The following VIPAS39 variants were observed in gnomAD, a reference collection of about 807,000 sequenced individuals.
VIPAS39 encodes the protein spermatogenesis-defective protein 39 homolog.
Under a neutral mutation model 84.7 loss-of-function variants are expected in VIPAS39, and 63 were observed. The observed-to-expected ratio is 0.74, with a 90% CI of 0.61 to 0.92. VIPAS39 has a LOEUF of 0.92. Among genes scored for constraint, VIPAS39 ranks in the 40% least tolerant of loss-of-function variants. The probability of loss-of-function intolerance (pLI) is 0.00; values close to 1 mark genes in which losing one functional copy is unlikely to be tolerated. For synonymous variants in VIPAS39, 192 were observed against 216.5 expected (o/e 0.89, Z 0.99); for missense variants, 499 against 604.5 (o/e 0.83, Z 1.83).
At chr14:77,445,802 G>T (rs563663192) in intron 7 of VIPAS39, among the ~76,000 whole-genome samples, 4 of 152,014 alleles carry the variant, frequency 2.6e-5, no homozygotes, top group Non-Finnish European at 4.4e-5. Context: ...AGCCAGGCAT[G>T]GTGGCACACA....
In VIPAS39 at chr14:77,451,212, G is replaced by C. The variant is rs200683721; in HGVS notation, c.318C>G (p.Thr106=). The change falls in exon 4 of 20, where the codon ACC becomes ACG. Residue 106 remains threonine, a synonymous_variant. Transcript: ENST00000557658. The stretch of plus-strand genomic sequence containing the variant: ...CTCTAAAAAAGCTGCTCAGGGAGTA[G>C]GTAGAAGTAGGCTTGGGTAGTTGTG... ...SYAQLPKPTS[T]YSLSSFFRGR... is the part of the protein sequence containing the mutation. The C allele has an allele frequency of 4.3e-6, 7 of 1,614,232 alleles. No homozygotes were observed. Among genetic ancestry groups the C allele is most frequent in the African/African-American group, 2.7e-5 (2 of 75,066 alleles).
chr14:77,444,739 AT>A (rs942078328), intron 7 of VIPAS39, among the ~76,000 whole-genome samples: 225 of 150,470 alleles, frequency 1.5e-3, no homozygotes, highest in African/African-American at 4.9e-3. Flanking sequence ...TGCCCGGCTA[AT>A]TTTTTTTTAG....
At chr14:77,457,465 C>G in intron 1 of VIPAS39, 30 bp downstream of exon 1, 2 of 1,472,770 alleles carry the variant, frequency 1.4e-6, no homozygotes, top group Admixed American at 2.0e-5. Flanking sequence ...CAGCCAGATA[C>G]GCGACCCAAG....
intron 7 of VIPAS39, among the ~76,000 whole-genome samples, chr14:77,445,162 T>C (rs1483902613): frequency 2.6e-5 from 4 of 151,692 alleles, no homozygotes; most frequent in Non-Finnish European, 4.4e-5. Context: ...GGTTTCACCA[T>C]GTTAGCCAGG....
chr14:77,450,263 C>T (rs766371117), intron 4 of VIPAS39, among the ~76,000 whole-genome samples: 1 of 152,214 alleles, frequency 6.6e-6, no homozygotes, highest in African/African-American at 2.4e-5. Flanking sequence ...AGTATCACAT[C>T]CTCAAGGATC....
chr14:77,428,383 A>G lies in VIPAS39; in HGVS notation c.1448T>C (p.Leu483Pro), dbSNP rs1355083094. 2.5e-6 allele frequency: 4 copies of G among 1,613,840 alleles called. No homozygotes were observed. In the Admixed American group the frequency reaches 6.7e-5, roughly 27 times the overall value. ...GTAGCTGCTCACCGAGCTGCTGAGA[A>G]GAGCATCAATCTTCTCCTCCTCTGC... ...GSAEEEKIDA[L>P]LSSSQIRWKN is the part of the protein sequence containing the mutation. The change falls in exon 19 of 20, where the codon CTT (leucine) becomes CCT (proline). Residue 483 changes from leucine (L) to proline (P), a missense_variant. Coordinates refer to ENST00000557658, the MANE Select transcript of VIPAS39 (RefSeq NM_001193315.2).
chr14:77,433,787 T>C, intron 16 of VIPAS39, 55 bp downstream of exon 16: 2 of 1,574,462 alleles, frequency 1.3e-6, no homozygotes, highest in South Asian at 1.1e-5. Context: ...ACTTATAACA[T>C]GATAGAACCC....
At chr14:77,435,757 C>T in intron 13 of VIPAS39, 87 bp downstream of exon 13, 1 of 1,402,188 alleles carries the variant, frequency 7.1e-7, no homozygotes, top group Non-Finnish European at 1.0e-6. Flanking sequence ...AGAAATGACC[C>T]ACGTGCAGAG....
At chr14:77,446,656 C>T (rs565443913) in intron 7 of VIPAS39, among the ~76,000 whole-genome samples, 8 of 152,218 alleles carry the variant, frequency 5.3e-5, no homozygotes, top group Non-Finnish European at 8.8e-5. Flanking sequence ...AAGAGAACAA[C>T]ATTGAAGGTT....
intron 11 of VIPAS39, among the ~76,000 whole-genome samples, chr14:77,438,879 G>A (rs192003324): frequency 2.6e-5 from 4 of 152,078 alleles, no homozygotes; most frequent in Non-Finnish European, 2.9e-5. Flanking sequence ...AAATGTAAAT[G>A]TATATAAAAA....
At chr14:77,427,658 A>G (rs745785981) in intron 19 of VIPAS39, 22 bp from the exon 20 acceptor site, 1 of 1,614,182 alleles carries the variant, frequency 6.2e-7, no homozygotes, top group Non-Finnish European at 8.5e-7. Context: ...GGAAACAATG[A>G]AAGTGTGTGA....
rs886044709 is a variant in VIPAS39, at chr14:77,429,726, G to A, written c.1221C>T (p.Phe407=). ...TGTGCAAAATTTCGACAACCCGATG[G>A]AAGCCAATGGGTGCTCTCTTCTTGG... ...GYTKKRAPIG[F]HRVVEILHKN... The change falls in exon 17 of 20, where the codon TTC becomes TTT. Residue 407 remains phenylalanine, a synonymous_variant. Transcript: ENST00000557658. 17 of 1,614,050 alleles carry A rather than the reference G, an allele frequency of 1.1e-5. No individual in the cohort carries two copies. Among genetic ancestry groups the A allele is most frequent in the Admixed American group, 5.0e-5 (3 of 60,006 alleles).
chr14:77,434,327 C>A (rs2078570902), intron 14 of VIPAS39, 24 bp from the exon 15 acceptor site: 1 of 1,613,098 alleles, frequency 6.2e-7, no homozygotes, highest in South Asian at 1.1e-5. Context: ...GAAAAAGGAA[C>A]TTTAGTGATA....
At chr14:77,452,712 G>A (rs2078900661) in intron 3 of VIPAS39, among the ~76,000 whole-genome samples, 1 of 149,576 alleles carries the variant, frequency 6.7e-6, no homozygotes, top group Admixed American at 6.7e-5. Flanking sequence ...CCTGGGAGGC[G>A]GAGGTTGCAG....
chr14:77,450,531 G>A (rs1475435078), intron 4 of VIPAS39, among the ~76,000 whole-genome samples: 1 of 152,124 alleles, frequency 6.6e-6, no homozygotes, highest in Non-Finnish European at 1.5e-5. Flanking sequence ...TATTTATTGA[G>A]ATGGAGTTTT....
intron 17 of VIPAS39, 107 bp from the exon 18 acceptor site, chr14:77,429,202 A>C: frequency 1.1e-6 from 1 of 937,044 alleles, no homozygotes; most frequent in Non-Finnish European, 1.7e-6. Flanking sequence ...TCAATAGCTA[A>C]TGTTTCCAGT....
chr14:77,439,558 G>A (rs1724495053), intron 11 of VIPAS39, among the ~76,000 whole-genome samples: 2 of 152,174 alleles, frequency 1.3e-5, no homozygotes, highest in South Asian at 4.1e-4. Flanking sequence ...AGGCCAAGGT[G>A]GGAGGATAGC....
Position 77,449,302 on chromosome 14 carries a change from C to T in VIPAS39, c.438G>A (p.Gly146=), listed in dbSNP as rs2078845926. ...GTATGCTGTAACTCACCCTATACTC[C>T]CCTTTGGGTCTCCCCAGCTCTGGAG... is the stretch of plus-strand genomic sequence containing the variant. ...SYAPELGRPK[G]EYRDYSNDWS... is the part of the protein sequence containing the mutation. The change falls in exon 6 of 20, where the codon GGG becomes GGA. Residue 146 remains glycine (G), a synonymous_variant. Transcript: ENST00000557658. The T allele has an allele frequency of 1.2e-6, 2 of 1,614,172 alleles. No homozygotes were observed. Among genetic ancestry groups the T allele is most frequent in the Non-Finnish European group, 1.7e-6 (2 of 1,180,018 alleles).
At chr14:77,427,682 A>C in intron 19 of VIPAS39, 46 bp from the exon 20 acceptor site, 10 of 1,613,208 alleles carry the variant, frequency 6.2e-6, no homozygotes, top group Non-Finnish European at 8.5e-6. Context: ...GTTTTCACTT[A>C]TCCCTACAGC....
Sources: gnomAD v4.1 joint callset for allele counts (sites outside exome capture counted in the v4.1 genomes callset) on GRCh38, gnomAD v4.1.1 for gene constraint, MANE v1.5 for transcripts, NCBI Gene and HGNC (gene_info 2026-07-23, HGNC 2026-07-21) for gene names.